DUSP22: variants seen among roughly 807,000 people sequenced by gnomAD.
DUSP22 encodes dual specificity phosphatase 22.
In DUSP22, 24 loss-of-function variants were observed where a neutral mutation model predicts 24.5. The observed-to-expected ratio is 0.98, with a 90% CI of 0.71 to 1.38. The LOEUF is 1.38. Ranked by LOEUF, DUSP22 falls within the 40% of genes most tolerant of loss-of-function variation. DUSP22 has a pLI of 0.00. For synonymous variants in DUSP22, 160 were observed against 106.4 expected (o/e 1.50, Z -3.10); for missense variants, 330 against 269.2 (o/e 1.23, Z -1.58).
intron 4 of DUSP22, among the ~76,000 whole-genome samples, chr6:338,786 C>A (rs1269452613): frequency 6.6e-6 from 1 of 152,296 alleles, no homozygotes; most frequent in Non-Finnish European, 1.5e-5. Flanking sequence ...CACTCTATAT[C>A]TTAAATTTTT....
At chr6:298,681 T>A (rs1581141442) in intron 1 of DUSP22, among the ~76,000 whole-genome samples, 1 of 152,424 alleles carries the variant, frequency 6.6e-6, no homozygotes. Context: ...GGATTCTGCC[T>A]ATATTGTCTA....
chr6:338,778 C>G (rs1759472300), intron 4 of DUSP22, among the ~76,000 whole-genome samples: 2 of 152,420 alleles, frequency 1.3e-5, no homozygotes, highest in Admixed American at 6.5e-5. Flanking sequence ...TAATTTAACA[C>G]TCTATATCTT....
chr6:295,082 A>C (rs1469680776), intron 1 of DUSP22, among the ~76,000 whole-genome samples: 1 of 152,260 alleles, frequency 6.6e-6, no homozygotes, highest in Non-Finnish European at 1.5e-5. Context: ...TTCATCTGTA[A>C]AAAAAGAAGA....
At position 335,064 on chromosome 6, in the gene DUSP22, C is replaced by T. The variant is rs372025814; in HGVS notation, c.139-50C>T. 4.0e-5 allele frequency: 63 copies of T among 1,587,736 alleles called. No homozygotes were observed. The African/African-American group carries it at 6.1e-4, about 15-fold the overall frequency. On this transcript the variant is annotated intron_variant, in intron 3 of 6. Transcript: ENST00000419235. ...ATAGTTCCTTAAATACTTTTCTCCA[C>T]TGAGTTTCATGTTTTTATTTTTATG... is the stretch of plus-strand genomic sequence containing the variant.
At chr6:342,784 T>C (rs562755099) in intron 4 of DUSP22, among the ~76,000 whole-genome samples, 1 of 152,422 alleles carries the variant, frequency 6.6e-6, no homozygotes, top group African/African-American at 2.4e-5. Flanking sequence ...AGGGAAAGGT[T>C]TTCCAGAAGT....
chr6:293,270 T>G (rs1305382710), intron 1 of DUSP22, among the ~76,000 whole-genome samples: 1 of 152,270 alleles, frequency 6.6e-6, no homozygotes, highest in Non-Finnish European at 1.5e-5. Flanking sequence ...TCCCGGGCGG[T>G]GGGCTAGCCT....
chr6:303,543 C>G (rs1189849696), intron 1 of DUSP22, among the ~76,000 whole-genome samples: 1 of 152,304 alleles, frequency 6.6e-6, no homozygotes, highest in African/African-American at 2.4e-5. Flanking sequence ...TTTGGACTTC[C>G]TCAGTGGGAG....
chr6:300,014 A>G (rs1467722409), intron 1 of DUSP22, among the ~76,000 whole-genome samples: 1 of 152,310 alleles, frequency 6.6e-6, no homozygotes, highest in Admixed American at 6.5e-5. Context: ...AATCGAGTTC[A>G]AAAATATATT....
chr6:313,749 T>C (rs1372725635), intron 3 of DUSP22, among the ~76,000 whole-genome samples: 1 of 152,308 alleles, frequency 6.6e-6, no homozygotes, highest in African/African-American at 2.4e-5. Context: ...GTATTAGTAT[T>C]GCCCCTCTTA....
At chr6:299,596 C>T (rs1757491337) in intron 1 of DUSP22, among the ~76,000 whole-genome samples, 1 of 152,306 alleles carries the variant, frequency 6.6e-6, no homozygotes, top group South Asian at 2.1e-4. Context: ...AGTCTTGAAA[C>T]TCTAGCTCAG....
chr6:347,657 C>G (rs1295948548), intron 5 of DUSP22, among the ~76,000 whole-genome samples: 1 of 152,306 alleles, frequency 6.6e-6, no homozygotes, highest in Non-Finnish European at 1.5e-5. Flanking sequence ...AATTATAGAT[C>G]TAGCCCTCAT....
rs1247457032 is a variant in DUSP22, at chr6:349,117, C to T, written c.*166C>T. The T allele has an allele frequency of 3.5e-6, 5 of 1,444,348 alleles. No individual in the cohort carries two copies. The highest frequency in any genetic ancestry group is 3.6e-6 in the Non-Finnish European group (4 of 1,105,918). The allele number at this position is 1,444,348 out of a possible 1,614,324, so 89.5% of individuals were successfully genotyped here. A position where few individuals can be genotyped will look rare whatever the true frequency, so the allele number is the denominator to read the frequency against. On this transcript the variant is annotated 3_prime_UTR_variant, in exon 7 of 7. Coordinates refer to ENST00000419235, the MANE Select transcript of DUSP22 (RefSeq NM_001286555.3). Reference sequence around the variant, plus strand: ...ACACCGCCCAGCCCTGCTCCAGGCCCCTGCACTCCGCCCACCCCTACCCTG... The same window carrying T: ...ACACCGCCCAGCCCTGCTCCAGGCCTCTGCACTCCGCCCACCCCTACCCTG...
At chr6:339,531 A>G (rs1295940516) in intron 4 of DUSP22, among the ~76,000 whole-genome samples, 1 of 152,308 alleles carries the variant, frequency 6.6e-6, no homozygotes, top group African/African-American at 2.4e-5. Flanking sequence ...GACATCATGA[A>G]GCAAGTAATT....
chr6:324,823 C>A (rs1167653625), intron 3 of DUSP22, among the ~76,000 whole-genome samples: 3 of 152,304 alleles, frequency 2.0e-5, no homozygotes, highest in Non-Finnish European at 4.4e-5. Context: ...GTCTACAAAG[C>A]CTGTAACCCA....
chr6:295,888 A>G (rs924253043), intron 1 of DUSP22, among the ~76,000 whole-genome samples: 3 of 152,180 alleles, frequency 2.0e-5, no homozygotes, highest in East Asian at 1.9e-4. Flanking sequence ...CGGTAGCCCT[A>G]TGAGGTCAAA....
In DUSP22 at chr6:349,083, C is replaced by T; in HGVS notation, c.*132C>T. On this transcript the variant is annotated 3_prime_UTR_variant, in exon 7 of 7. Coordinates refer to ENST00000419235, the MANE Select transcript of DUSP22 (RefSeq NM_001286555.3). ...GGCGAGGTGGGGCGAGGGCTCCTTC[C>T]CCCAAGCAACACCGCCCAGCCCTGC... is the stretch of plus-strand genomic sequence containing the variant. The T allele has an allele frequency of 6.8e-7, 1 of 1,469,210 alleles. No individual in the cohort carries two copies. Among genetic ancestry groups the T allele is most frequent in the South Asian group, 1.4e-5 (1 of 71,524 alleles). 91.0% of individuals were successfully genotyped at this position (1,469,210 alleles called of 1,614,324 possible). A position where few individuals can be genotyped will look rare whatever the true frequency, so the allele number is the denominator to read the frequency against.
At chr6:324,424 C>T (rs1230223277) in intron 3 of DUSP22, among the ~76,000 whole-genome samples, 15 of 152,424 alleles carry the variant, frequency 9.8e-5, no homozygotes, top group Middle Eastern at 6.8e-3. Context: ...GTGAGTGCCG[C>T]GGAGCACAGG....
At chr6:345,611 C>T (rs1211447585) in intron 4 of DUSP22, among the ~76,000 whole-genome samples, 2 of 152,300 alleles carry the variant, frequency 1.3e-5, no homozygotes, top group African/African-American at 4.8e-5. Flanking sequence ...AATGTTATCA[C>T]TACAAAGTGA....
chr6:315,940 C>G (rs893037729), intron 3 of DUSP22, among the ~76,000 whole-genome samples: 2 of 152,298 alleles, frequency 1.3e-5, no homozygotes, highest in African/African-American at 4.8e-5. Context: ...TGGCTTGGAG[C>G]AGGTGGCAAA....
Sources: gnomAD v4.1 joint callset for allele counts (sites outside exome capture counted in the v4.1 genomes callset) on GRCh38, gnomAD v4.1.1 for gene constraint, MANE v1.5 for transcripts, NCBI Gene and HGNC (gene_info 2026-07-23, HGNC 2026-07-21) for gene names.